Variants in DLG2 observed in about 807,000 individuals in gnomAD.
DLG2 encodes discs large MAGUK scaffold protein 2.
In DLG2, 45 loss-of-function variants were observed where a neutral mutation model predicts 132.5. The ratio of observed to expected loss-of-function variants is 0.34; its 90% confidence interval spans 0.27 to 0.44. The LOEUF is 0.44. Among genes scored for constraint, DLG2 ranks in the 20% least tolerant of loss-of-function variants. DLG2 has a pLI of 1.00. For missense variants in DLG2, 1,045 were observed against 1,196.9 expected, an observed-to-expected ratio of 0.87 and a Z score of 1.87; for synonymous variants, 424 against 419.6, an observed-to-expected ratio of 1.01 and a Z score of -0.13.
At chr11:84,321,664 G>A (rs2098405526) in intron 7 of DLG2, among the ~76,000 whole-genome samples, 1 of 152,136 alleles carries the variant, frequency 6.6e-6, no homozygotes, top group African/African-American at 2.4e-5. Context: ...GCTGCATCAA[G>A]AGGCAACTCC....
At chr11:84,936,460 AT>A (rs1319942971) in intron 6 of DLG2, among the ~76,000 whole-genome samples, 1 of 152,124 alleles carries the variant, frequency 6.6e-6, no homozygotes, top group Admixed American at 6.5e-5. Context: ...AAATATAGCT[AT>A]GTGGATTTTA....
intron 3 of DLG2, among the ~76,000 whole-genome samples, chr11:85,345,534 A>G (rs964686996): frequency 6.6e-6 from 1 of 152,250 alleles, no homozygotes. Flanking sequence ...TTTGCATGAT[A>G]TCACACACCT....
chr11:84,644,499 G>C (rs889668030), intron 6 of DLG2, among the ~76,000 whole-genome samples: 1 of 152,060 alleles, frequency 6.6e-6, no homozygotes, highest in Non-Finnish European at 1.5e-5. Flanking sequence ...TAGGTCAGGA[G>C]ATCGAGACCA....
chr11:84,605,293 T>C (rs530551327), intron 6 of DLG2, among the ~76,000 whole-genome samples: 1 of 152,034 alleles, frequency 6.6e-6, no homozygotes, highest in Admixed American at 6.6e-5. Flanking sequence ...TTTAGAAGAA[T>C]TGCCAAATAC....
chr11:84,815,132 C>T (rs2076962441), intron 6 of DLG2, among the ~76,000 whole-genome samples: 1 of 151,994 alleles, frequency 6.6e-6, no homozygotes, highest in Non-Finnish European at 1.5e-5. Flanking sequence ...ATTTAGTTCA[C>T]AAAGTCACTC....
intron 8 of DLG2, among the ~76,000 whole-genome samples, chr11:84,227,532 A>G (rs1476109771): frequency 6.6e-6 from 1 of 152,196 alleles, no homozygotes; most frequent in African/African-American, 2.4e-5. Flanking sequence ...CAATAATCTT[A>G]TATTAAACTA....
At chr11:85,293,526 G>A (rs767442361) in intron 3 of DLG2, among the ~76,000 whole-genome samples, 5 of 152,154 alleles carry the variant, frequency 3.3e-5, no homozygotes, top group South Asian at 2.1e-4. Context: ...CCCAAAATGC[G>A]TAAGTTGAAT....
chr11:83,521,020 T>C (rs1362745426), intron 21 of DLG2, among the ~76,000 whole-genome samples: 1 of 152,226 alleles, frequency 6.6e-6, no homozygotes, highest in Non-Finnish European at 1.5e-5. Flanking sequence ...CATTTAATGT[T>C]TGCCAAGAGC....
chr11:84,243,928 G>C (rs2097267982), intron 8 of DLG2, among the ~76,000 whole-genome samples: 1 of 152,216 alleles, frequency 6.6e-6, no homozygotes. Flanking sequence ...AAGGCAGGTA[G>C]TATTATTCCT....
At chr11:85,200,339 T>C (rs921186076) in intron 4 of DLG2, among the ~76,000 whole-genome samples, 1 of 152,194 alleles carries the variant, frequency 6.6e-6, no homozygotes, top group African/African-American at 2.4e-5. Context: ...AAATCAGTCT[T>C]GACAGTGAAT....
intron 7 of DLG2, among the ~76,000 whole-genome samples, chr11:84,442,940 T>C (rs568903303): frequency 6.6e-6 from 1 of 152,026 alleles, no homozygotes; most frequent in Non-Finnish European, 1.5e-5. Context: ...TAGGAAAAAA[T>C]TGTCACTATG....
At chr11:84,887,552 C>G (rs1340649299) in intron 6 of DLG2, 1 of 152,128 alleles carries the variant, frequency 6.6e-6, no homozygotes, top group Non-Finnish European at 1.5e-5. Flanking sequence ...TCAGTTTCCA[C>G]TGGTGACATC....
intron 10 of DLG2, among the ~76,000 whole-genome samples, chr11:84,082,253 G>T (rs1376757268): frequency 6.6e-6 from 1 of 151,780 alleles, no homozygotes; most frequent in Non-Finnish European, 1.5e-5. Flanking sequence ...CCTGTGTTAT[G>T]GTATTAAATG....
chr11:83,833,920 G>A (rs1198567067), intron 16 of DLG2, 150 bp from the exon 17 acceptor site: 2 of 774,714 alleles, frequency 2.6e-6, no homozygotes, highest in Non-Finnish European at 3.9e-6. Flanking sequence ...CAAGAAAGAG[G>A]CTAATATCAG....
At chr11:84,115,735 A>G (rs1004908927) in intron 9 of DLG2, among the ~76,000 whole-genome samples, 5 of 152,024 alleles carry the variant, frequency 3.3e-5, no homozygotes, top group African/African-American at 1.2e-4. Flanking sequence ...GCAACAAACT[A>G]CTCTTCTCAT....
At chr11:85,368,070 T>C (rs2152911990) in intron 3 of DLG2, among the ~76,000 whole-genome samples, 1 of 152,330 alleles carries the variant, frequency 6.6e-6, no homozygotes, top group East Asian at 1.9e-4. Flanking sequence ...TCATGAGACT[T>C]ACCTATCTTT....
chr11:83,493,379 CCTTCCTTCCTTCCTTT>C (rs1425273081), intron 21 of DLG2, among the ~76,000 whole-genome samples: 4 of 79,520 alleles, frequency 5.0e-5, no homozygotes, highest in African/African-American at 2.1e-4. Context: ...TTCCTTCCTT[CCTTCCTTCCTTCCTTT>C]CTCTCTCTTT....
chr11:83,641,096 T>C (rs2066373526), intron 18 of DLG2, among the ~76,000 whole-genome samples: 1 of 152,226 alleles, frequency 6.6e-6, no homozygotes, highest in South Asian at 2.1e-4. Flanking sequence ...GTATCGATTT[T>C]AAAAAGCACC....
chr11:85,625,800 T>C lies in DLG2; in HGVS notation c.-93+787A>G, dbSNP rs76283439. ...TCTTTACAGTTGATCTCACCTTCCATATAATGTCAAAACAAAACAAAACAA... is the reference window on the plus strand; with the variant it reads ...TCTTTACAGTTGATCTCACCTTCCACATAATGTCAAAACAAAACAAAACAA... On this transcript the variant is annotated intron_variant, in intron 2 of 27. Coordinates refer to ENST00000376104, the MANE Select transcript of DLG2 (RefSeq NM_001142699.3). 2.8e-3 allele frequency among the ~76,000 whole-genome samples: 420 copies of C among 152,316 alleles called. 1 individual carries two copies. The highest frequency in any genetic ancestry group is 9.0e-3 in the African/African-American group (374 of 41,578).
Sources: gnomAD v4.1 joint callset for allele counts (sites outside exome capture counted in the v4.1 genomes callset) on GRCh38, gnomAD v4.1.1 for gene constraint, MANE v1.5 for transcripts, NCBI Gene and HGNC (gene_info 2026-07-23, HGNC 2026-07-21) for gene names.